The following PPP2R1A variants were observed in gnomAD, a reference collection of about 807,000 sequenced individuals.
PPP2R1A encodes serine/threonine-protein phosphatase 2A 65 kDa regulatory subunit A alpha isoform.
In PPP2R1A, 15 loss-of-function variants were observed where a neutral mutation model predicts 67.1. That is an observed-to-expected ratio of 0.22 (90% CI 0.15 to 0.34). PPP2R1A has a LOEUF of 0.34. Among genes scored for constraint, PPP2R1A ranks in the 10% least tolerant of loss-of-function variants. PPP2R1A has a pLI of 1.00. For synonymous variants in PPP2R1A, 337 were observed against 325.0 expected, an observed-to-expected ratio of 1.04 and a Z score of -0.40; for missense variants, 369 against 775.0, an observed-to-expected ratio of 0.48 and a Z score of 6.22.
intron 9 of PPP2R1A, among the ~76,000 whole-genome samples, chr19:52,218,341 G>A (rs1045994268): frequency 5.3e-5 from 8 of 151,912 alleles, no homozygotes; most frequent in Admixed American, 2.6e-4. Flanking sequence ...TAAAAGTTAC[G>A]TTATTCAATT....
chr19:52,215,201 G>A (rs553128608), intron 6 of PPP2R1A, among the ~76,000 whole-genome samples: 33 of 152,040 alleles, frequency 2.2e-4, no homozygotes, highest in African/African-American at 7.5e-4. Context: ...GACGATAGGT[G>A]CCTGCCCCCA....
intron 13 of PPP2R1A, 96 bp from the exon 14 acceptor site, chr19:52,225,621 C>G (rs1255570062): frequency 1.6e-5 from 18 of 1,103,424 alleles, no homozygotes; most frequent in Non-Finnish European, 2.5e-5. Flanking sequence ...GTATCCGTGT[C>G]TGTGTACACT....
At chr19:52,221,900 C>G (rs1978956844) in intron 12 of PPP2R1A, 199 bp from the exon 13 acceptor site, 1 of 520,962 alleles carries the variant, frequency 1.9e-6, no homozygotes, top group African/African-American at 2.0e-5. Flanking sequence ...TTAAGGGAAG[C>G]CTGAGGACAG....
intron 1 of PPP2R1A, 157 bp downstream of exon 1, chr19:52,190,331 G>A (rs1196441245): frequency 1.2e-6 from 1 of 847,476 alleles, no homozygotes; most frequent in East Asian, 2.7e-5. Context: ...CGGACTCCTT[G>A]AGACGGCGCT....
rs772214469 is a variant in PPP2R1A at position 52,213,544 on chromosome 19, G to A, written c.807+434G>A. 3.5e-5 allele frequency among the ~76,000 whole-genome samples: 5 copies of A among 142,466 alleles called. No individual in the cohort carries two copies. The Admixed American group carries it at 3.7e-4, about 10-fold the overall frequency. 93.5% of individuals were successfully genotyped at this position (142,466 alleles called of 152,430 possible). ...TGTTACCCAGCTGGAGTGTGGTGGC[G>A]CAATCTTGGCTCACTGCAGCCTGTC... On this transcript the variant is annotated intron_variant, in intron 6 of 14. Coordinates refer to ENST00000322088, the MANE Select transcript of PPP2R1A (RefSeq NM_014225.6). This position sits in a 1 kb window ranked among gnomAD's most constrained non-coding sequence, Gnocchi z 4.2.
intron 2 of PPP2R1A, 110 bp from the exon 3 acceptor site, chr19:52,205,853 G>A: frequency 3.4e-6 from 3 of 871,208 alleles, no homozygotes; most frequent in South Asian, 1.5e-5. Flanking sequence ...GCGGATGGAA[G>A]AACTGAGTGC....
At position 52,197,501 on chromosome 19, in the gene PPP2R1A, C is replaced by G. The variant is rs989781196; in HGVS notation, c.79-4443C>G. ...GGCAGCTTGGGCAACATAGTGAGGC[C>G]TCATCCCTACAAAAAGTTAAAAAAC... On this transcript the variant is annotated intron_variant, in intron 1 of 14. Coordinates refer to ENST00000322088, the MANE Select transcript of PPP2R1A (RefSeq NM_014225.6). Among the ~76,000 whole-genome samples the G allele has an allele frequency of 2.0e-5, 3 of 152,012 alleles. No homozygotes were observed. In the East Asian group the frequency reaches 5.8e-4, roughly 29 times the overall value.
In PPP2R1A at chr19:52,225,771, T is replaced by G; in HGVS notation, c.1716T>G (p.Asp572Glu). 6.2e-7 allele frequency: 1 copy of G among 1,614,180 alleles called. No homozygotes were observed. The highest frequency in any genetic ancestry group is 8.5e-7 in the Non-Finnish European group (1 of 1,180,036). ...TAGAGAAGCTGACCCAGGACCAGGA[T>G]GTGGACGTCAAATACTTTGCCCAGG... is the stretch of plus-strand genomic sequence containing the variant. ...PILEKLTQDQ[D>E]VDVKYFAQEA... Residue 572 changes from aspartate (D) to glutamate (E), a missense_variant, in exon 14 of 15, where the codon GAT (aspartate) becomes GAG (glutamate). Physicochemically the swap from Asp to Glu is conservative, Grantham distance 45. Coordinates refer to ENST00000322088, the MANE Select transcript of PPP2R1A (RefSeq NM_014225.6).
intron 3 of PPP2R1A, among the ~76,000 whole-genome samples, chr19:52,206,622 A>G (rs10402794): frequency 0.014 from 2,130 of 152,126 alleles, 50 homozygotes; most frequent in African/African-American, 0.049. Context: ...AGATTGTATG[A>G]CTAGTAGATG....
chr19:52,220,190 G>T lies in PPP2R1A; in HGVS notation c.1304G>T (p.Gly435Val). 1 of 1,614,008 alleles carries T rather than the reference G, an allele frequency of 6.2e-7. No individual in the cohort carries two copies. The highest frequency in any genetic ancestry group is 8.5e-7 in the Non-Finnish European group (1 of 1,179,912). The change falls in exon 11 of 15, where the codon GGA becomes GTA. Residue 435 changes from glycine (G) to valine (V), a missense_variant and splice_region_variant. Gly to Val is a moderately radical substitution (Grantham distance 109, BLOSUM62 -3). This residue lies in a region of PPP2R1A where 276 missense variants were observed against 508.4 expected (regional missense o/e 0.54). Coordinates refer to ENST00000322088, the MANE Select transcript of PPP2R1A (RefSeq NM_014225.6). ...TGGAACCCTTGGTTTCTCCTGTAGG[G>T]AGTGGAGTTCTTTGATGAGAAACTT... ...EYMPLLAGQL[G>V]VEFFDEKLNS... is the part of the protein sequence containing the mutation.
At chr19:52,195,992 C>T (rs181405925) in intron 1 of PPP2R1A, among the ~76,000 whole-genome samples, 62 of 152,296 alleles carry the variant, frequency 4.1e-4, no homozygotes, top group African/African-American at 1.4e-3. Flanking sequence ...TCTCTGTTTT[C>T]CATGACTATC....
In PPP2R1A at chr19:52,211,525, C is replaced by T; in HGVS notation, c.503+33C>T. The T allele has an allele frequency of 6.3e-7, 1 of 1,575,354 alleles. No homozygotes were observed. ...TCTGCCTCCTTGGAAGCTCCAAGCT[C>T]CCATCTCAGCTCCAACCTTCTCTAA... On this transcript the variant is annotated intron_variant, in intron 4 of 14. Transcript: ENST00000322088. This position sits in a 1 kb window ranked among gnomAD's most constrained non-coding sequence, Gnocchi z 5.3.
rs773832415 is a variant in PPP2R1A at position 52,202,018 on chromosome 19, T to G, written c.153T>G (p.Leu51=). The part of the protein sequence containing the change: ...ALGVERTRSE[L]LPFLTDTIYD... ...GGGTTGAAAGGACCCGAAGTGAGCTTCTGCCTTTCCTTACAGGTAACAAAG... is the reference window on the plus strand; with the variant it reads ...GGGTTGAAAGGACCCGAAGTGAGCTGCTGCCTTTCCTTACAGGTAACAAAG... The change falls in exon 2 of 15, where the codon CTT becomes CTG. Residue 51 remains leucine (L), a synonymous_variant. Transcript: ENST00000322088. 29 of 1,614,192 alleles carry G rather than the reference T, an allele frequency of 1.8e-5. No homozygotes were observed. The highest frequency in any genetic ancestry group is 2.5e-5 in the Non-Finnish European group (29 of 1,179,998).
Position 52,216,752 on chromosome 19 carries a change from A to G in PPP2R1A, c.1128+89A>G. ...TAGGGTTTACCTAGATTGACCAGGA[A>G]TCTGCTGATATCTCAACAGACATCC... On this transcript the variant is annotated intron_variant, in intron 9 of 14. Transcript: ENST00000322088. This position sits in a 1 kb window ranked among gnomAD's most constrained non-coding sequence, Gnocchi z 4.3. 3 of 1,563,300 alleles carry G rather than the reference A, an allele frequency of 1.9e-6. No individual in the cohort carries two copies. The highest frequency in any genetic ancestry group is 2.6e-6 in the Non-Finnish European group (3 of 1,141,662).
At position 52,211,586 on chromosome 19, in the gene PPP2R1A, A is replaced by C; in HGVS notation, c.503+94A>C. 7.7e-7 allele frequency: 1 copy of C among 1,305,746 alleles called. No individual in the cohort carries two copies. Among genetic ancestry groups the C allele is most frequent in the Non-Finnish European group, 1.1e-6 (1 of 951,748 alleles). 80.9% of individuals were successfully genotyped at this position (1,305,746 alleles called of 1,614,324 possible). On this transcript the variant is annotated intron_variant, in intron 4 of 14. Transcript: ENST00000322088. This position sits in a 1 kb window ranked among gnomAD's most constrained non-coding sequence, Gnocchi z 5.3. ...TCCTTTTGGTCTAGCTGGGGCCCAAATGCCCCTGAACTCTCTCCACTCCCA... is the reference window on the plus strand; with the variant it reads ...TCCTTTTGGTCTAGCTGGGGCCCAACTGCCCCTGAACTCTCTCCACTCCCA...
intron 1 of PPP2R1A, among the ~76,000 whole-genome samples, chr19:52,200,605 G>A (rs1164102076): frequency 2.0e-5 from 3 of 152,166 alleles, no homozygotes; most frequent in South Asian, 2.1e-4. Context: ...TTAACACAAC[G>A]AATTTATTCT....
At chr19:52,210,910 G>T (rs1281892294) in intron 3 of PPP2R1A, among the ~76,000 whole-genome samples, 1 of 152,174 alleles carries the variant, frequency 6.6e-6, no homozygotes, top group Non-Finnish European at 1.5e-5. Flanking sequence ...GTTCTACACA[G>T]TGTCAGTGAT....
At position 52,214,782 on chromosome 19, in the gene PPP2R1A, G is replaced by A. The variant is rs112055185; in HGVS notation, c.808-997G>A. On this transcript the variant is annotated intron_variant, in intron 6 of 14. Coordinates refer to ENST00000322088, the MANE Select transcript of PPP2R1A (RefSeq NM_014225.6). ...CAGTCTTTTGCCCAGGCTGGAGTAC[G>A]GTGGCACAAGCTCAGCTGACTGCAA... is the stretch of plus-strand genomic sequence containing the variant. 6.7e-3 allele frequency among the ~76,000 whole-genome samples: 1,016 copies of A among 151,006 alleles called. 13 individuals carry two copies. The highest frequency in any genetic ancestry group is 0.024 in the African/African-American group (966 of 41,084).
intron 13 of PPP2R1A, among the ~76,000 whole-genome samples, chr19:52,224,350 A>G (rs975961009): frequency 6.6e-6 from 1 of 152,194 alleles, no homozygotes; most frequent in Non-Finnish European, 1.5e-5. Context: ...GGCCCCATAG[A>G]TGAGAGTGGA....
Sources: gnomAD v4.1 joint callset for allele counts (sites outside exome capture counted in the v4.1 genomes callset) on GRCh38, gnomAD v4.1.1 for gene constraint, gnomAD v4.1.1 regional missense constraint, Gnocchi (gnomAD v3.1) non-coding constraint, MANE v1.5 for transcripts, NCBI Gene and HGNC (gene_info 2026-07-23, HGNC 2026-07-21) for gene names.